WDR7: variants seen among roughly 807,000 people sequenced by gnomAD.
WDR7 encodes WD repeat domain 7, also known as WD repeat-containing protein 7.
WDR7 carries 46 observed loss-of-function variants against 169.4 expected under a neutral mutation model. The observed-to-expected ratio is 0.27, with a 90% CI of 0.21 to 0.35. WDR7 has a LOEUF of 0.35. Among genes scored for constraint, WDR7 ranks in the 10% least tolerant of loss-of-function variants. The pLI, the probability that WDR7 is intolerant of heterozygous loss-of-function variation, is 1.00. For missense variants in WDR7, 1,534 were observed against 1,859.3 expected (o/e 0.83, Z 3.22); for synonymous variants, 612 against 666.8 (o/e 0.92, Z 1.27).
chr18:56,829,432 C>T (rs1419915601), intron 20 of WDR7, among the ~76,000 whole-genome samples: 5 of 152,040 alleles, frequency 3.3e-5, no homozygotes, highest in African/African-American at 7.3e-5. Context: ...GGAAAGTCTC[C>T]GTGACTGTAT....
intron 21 of WDR7, among the ~76,000 whole-genome samples, chr18:56,911,933 T>C (rs1174595444): frequency 6.6e-6 from 1 of 152,240 alleles, no homozygotes; most frequent in South Asian, 2.1e-4. Flanking sequence ...TAATAATACT[T>C]TAATTCTTAA....
At chr18:56,663,643 TATACATATATATATGC>T (rs2024955906) in intron 1 of WDR7, among the ~76,000 whole-genome samples, 2 of 3,744 alleles carry the variant, frequency 5.3e-4, no homozygotes, top group Admixed American at 0.045. Context: ...GCACAGCATA[TATACATATATATATGC>T]ACAGCATATA....
intron 19 of WDR7, among the ~76,000 whole-genome samples, chr18:56,798,672 A>G (rs1010829112): frequency 1.3e-5 from 2 of 152,282 alleles, no homozygotes; most frequent in Middle Eastern, 3.4e-3. Flanking sequence ...TATGTTATTT[A>G]TGTAAAATTA....
intron 20 of WDR7, among the ~76,000 whole-genome samples, chr18:56,840,951 G>A (rs1403856114): frequency 2.0e-5 from 3 of 151,944 alleles, no homozygotes; most frequent in African/African-American, 7.3e-5. Flanking sequence ...GCACTTTGAG[G>A]GGCCAAGACA....
At chr18:57,033,712 G>T (rs895441587), downstream of WDR7, 1 of 144,840 alleles carries the variant, frequency 6.9e-6, no homozygotes, top group Admixed American at 7.3e-5. Context: ...TCCCACTGCA[G>T]AACCGAAGCA....
chr18:56,682,996 G>C (rs745375355), intron 5 of WDR7, 143 bp downstream of exon 5: 38 of 901,944 alleles, frequency 4.2e-5, no homozygotes, highest in Non-Finnish European at 6.2e-5. Flanking sequence ...TTTATGGTCT[G>C]TTTCTTCCTT....
intron 27 of WDR7, among the ~76,000 whole-genome samples, chr18:57,025,354 A>G (rs779000413): frequency 1.8e-4 from 28 of 152,214 alleles, no homozygotes; most frequent in Non-Finnish European, 3.8e-4. Context: ...ATTTGGATCT[A>G]TCAAATTAAG....
At chr18:56,788,407 T>G (rs1013975737) in intron 19 of WDR7, among the ~76,000 whole-genome samples, 12 of 152,226 alleles carry the variant, frequency 7.9e-5, no homozygotes, top group Middle Eastern at 3.2e-3. Flanking sequence ...CCTTTCACCT[T>G]TAGCAGCTTT....
At chr18:56,712,482 T>G (rs1287034689) in intron 12 of WDR7, among the ~76,000 whole-genome samples, 1 of 152,234 alleles carries the variant, frequency 6.6e-6, no homozygotes, top group African/African-American at 2.4e-5. Context: ...ATACTTGTTT[T>G]GGGCCAGTAT....
At chr18:56,821,890 G>A (rs547984290) in intron 20 of WDR7, among the ~76,000 whole-genome samples, 36 of 152,066 alleles carry the variant, frequency 2.4e-4, no homozygotes, top group Non-Finnish European at 3.2e-4. Flanking sequence ...TCCCAGCTAC[G>A]TGGGAGGCTG....
chr18:56,793,085 G>A (rs1384025303), intron 19 of WDR7, among the ~76,000 whole-genome samples: 1 of 152,088 alleles, frequency 6.6e-6, no homozygotes, highest in Admixed American at 6.5e-5. Flanking sequence ...GACTAAAATA[G>A]TTGTCTCCTG....
At chr18:56,689,722 C>G (rs979879928) in intron 7 of WDR7, among the ~76,000 whole-genome samples, 1 of 152,086 alleles carries the variant, frequency 6.6e-6, no homozygotes, top group African/African-American at 2.4e-5. Context: ...TGATAATATA[C>G]TATATTCCTA....
chr18:56,986,738 A>T (rs913862885), intron 26 of WDR7, among the ~76,000 whole-genome samples: 1 of 152,140 alleles, frequency 6.6e-6, no homozygotes, highest in Non-Finnish European at 1.5e-5. Flanking sequence ...AAATAAAAAA[A>T]AAATAAAAAT....
At chr18:56,791,250 T>C (rs1313681575) in intron 19 of WDR7, among the ~76,000 whole-genome samples, 1 of 152,148 alleles carries the variant, frequency 6.6e-6, no homozygotes, top group Non-Finnish European at 1.5e-5. Context: ...CATCCAGCTT[T>C]AGGGAATGGA....
intron 26 of WDR7, among the ~76,000 whole-genome samples, chr18:56,996,286 TAAAAG>T (rs1230737050): frequency 6.6e-6 from 1 of 152,144 alleles, no homozygotes. Context: ...TGAACCTAAT[TAAAAG>T]GAAAGATTAG....
intron 12 of WDR7, among the ~76,000 whole-genome samples, chr18:56,707,128 G>A (rs909957232): frequency 5.3e-5 from 8 of 151,514 alleles, no homozygotes; most frequent in African/African-American, 7.3e-5. Flanking sequence ...TTACAGGCGC[G>A]CACCACCACA....
chr18:56,855,077 TA>T (rs1271227263), intron 20 of WDR7, among the ~76,000 whole-genome samples: 1 of 152,216 alleles, frequency 6.6e-6, no homozygotes, highest in Admixed American at 6.5e-5. Context: ...GCTATTGATC[TA>T]CATTCTATCC....
intron 20 of WDR7, among the ~76,000 whole-genome samples, chr18:56,819,679 T>C (rs1185606140): frequency 6.6e-6 from 1 of 152,176 alleles, no homozygotes; most frequent in African/African-American, 2.4e-5. Flanking sequence ...TATTAAAACC[T>C]ATTACAATAT....
chr18:56,924,166 T>C (rs1392959359), intron 22 of WDR7, 58 bp downstream of exon 22: 3 of 1,590,238 alleles, frequency 1.9e-6, no homozygotes, highest in Non-Finnish European at 2.6e-6. Flanking sequence ...AGGGGTTTTT[T>C]TGGTGGGTTT....
Sources: allele counts gnomAD v4.1 joint callset (sites outside exome capture counted in the v4.1 genomes callset), GRCh38; gene constraint gnomAD v4.1.1; transcripts MANE v1.5; gene names NCBI Gene and HGNC (gene_info 2026-07-23, HGNC 2026-07-21).